The following RSU1 variants were observed in gnomAD, a reference collection of about 807,000 sequenced individuals.
The protein encoded by RSU1 is Ras suppressor protein 1, also known as rsu-1.
Under a neutral mutation model 31.1 loss-of-function variants are expected in RSU1, and 26 were observed. That is an observed-to-expected ratio of 0.84 (90% CI 0.61 to 1.16). The LOEUF (loss-of-function observed/expected upper bound fraction) is 1.16. RSU1 is among the 50% of genes most tolerant of loss of function. The pLI is 0.00. For synonymous variants in RSU1, 164 were observed against 136.3 expected (o/e 1.20, Z -1.41); for missense variants, 320 against 339.1 (o/e 0.94, Z 0.44).
intron 3 of RSU1, among the ~76,000 whole-genome samples, chr10:16,775,666 C>G (rs1362173644): frequency 6.6e-6 from 1 of 152,142 alleles, no homozygotes; most frequent in Non-Finnish European, 1.5e-5. Flanking sequence ...CTCAGGTGCT[C>G]ACTCACTACA....
At chr10:16,670,778 T>TTAA (rs1835091121) in intron 8 of RSU1, among the ~76,000 whole-genome samples, 1 of 152,108 alleles carries the variant, frequency 6.6e-6, no homozygotes, top group Non-Finnish European at 1.5e-5. Flanking sequence ...GAACCTCTTT[T>TTAA]TTTAAGCCTG....
At chr10:16,781,993 C>A in intron 3 of RSU1, 41 bp downstream of exon 3, 1 of 1,571,778 alleles carries the variant, frequency 6.4e-7, no homozygotes, top group South Asian at 1.1e-5. Flanking sequence ...ATAGGATTAC[C>A]TAAATGTCAG....
At chr10:16,802,042 T>C (rs1212940606) in intron 2 of RSU1, among the ~76,000 whole-genome samples, 2 of 150,580 alleles carry the variant, frequency 1.3e-5, no homozygotes, top group African/African-American at 2.4e-5. Flanking sequence ...TGAGAATGAA[T>C]TGAACTACAA....
At chr10:16,670,153 T>C (rs375093444) in intron 8 of RSU1, among the ~76,000 whole-genome samples, 6 of 152,314 alleles carry the variant, frequency 3.9e-5, no homozygotes, top group East Asian at 3.9e-4. Flanking sequence ...TTACTTCCCA[T>C]TGCTTATGCT....
At chr10:16,771,702 C>A (rs1165040640) in intron 3 of RSU1, among the ~76,000 whole-genome samples, 3 of 152,162 alleles carry the variant, frequency 2.0e-5, no homozygotes, top group Non-Finnish European at 2.9e-5. Context: ...CATATTACCA[C>A]AAGACTCTGA....
chr10:16,631,442 C>A (rs1247793427), intron 8 of RSU1, among the ~76,000 whole-genome samples: 1 of 152,102 alleles, frequency 6.6e-6, no homozygotes, highest in Non-Finnish European at 1.5e-5. Context: ...CCATGAGCCT[C>A]ACAAGGAGGG....
rs115565989 is a variant in RSU1 at position 16,670,097 on chromosome 10, C to A, written c.731+24926G>T. Among the ~76,000 whole-genome samples, 374 of 152,300 alleles carry A rather than the reference C, an allele frequency of 2.5e-3. 2 individuals carry two copies. The highest frequency in any genetic ancestry group is 8.6e-3 in the African/African-American group (358 of 41,552). Reference sequence around the variant, plus strand: ...AGTTTCTACTCAGGCCCATGTAGTGCAAATCAATTCAGTAAGTTGTTTTCT... The same window carrying A: ...AGTTTCTACTCAGGCCCATGTAGTGAAAATCAATTCAGTAAGTTGTTTTCT... On this transcript the variant is annotated intron_variant, in intron 8 of 8. Transcript: ENST00000345264.
intron 7 of RSU1, among the ~76,000 whole-genome samples, chr10:16,715,829 T>C (rs370857342): frequency 3.4e-4 from 52 of 152,316 alleles, no homozygotes; most frequent in African/African-American, 1.1e-3. Flanking sequence ...ATTTTCTATT[T>C]CTGCAAAAAA....
intron 8 of RSU1, among the ~76,000 whole-genome samples, chr10:16,646,549 C>A (rs1216355645): frequency 6.6e-6 from 1 of 152,182 alleles, no homozygotes; most frequent in Non-Finnish European, 1.5e-5. Context: ...ACACTTCCAT[C>A]GTAGCTCCCC....
rs528552486 is a variant in RSU1, at chr10:16,816,349, T to C, written c.109+624A>G. 2.0e-3 allele frequency among the ~76,000 whole-genome samples: 307 copies of C among 152,184 alleles called. 2 individuals are homozygous for C. The highest frequency in any genetic ancestry group is 7.2e-3 in the African/African-American group (299 of 41,522). On this transcript the variant is annotated intron_variant, in intron 2 of 8. Transcript: ENST00000345264. The stretch of plus-strand genomic sequence containing the variant: ...CACTTGGAGGCATGTGAATCTGCAA[T>C]CCCTGGTTTTAAGGGAGAGGGTAAC...
intron 8 of RSU1, among the ~76,000 whole-genome samples, chr10:16,610,640 T>G (rs1478697858): frequency 3.9e-5 from 6 of 152,132 alleles, no homozygotes; most frequent in African/African-American, 7.2e-5. Flanking sequence ...TGCAGGAAAA[T>G]AAGCTCAGGG....
chr10:16,779,457 T>C (rs1837606347), intron 3 of RSU1, among the ~76,000 whole-genome samples: 2 of 152,186 alleles, frequency 1.3e-5, no homozygotes, highest in Admixed American at 1.3e-4. Flanking sequence ...AATAACCCTG[T>C]AGATCTTAAG....
At chr10:16,789,559 GA>G in intron 2 of RSU1, among the ~76,000 whole-genome samples, 1 of 152,286 alleles carries the variant, frequency 6.6e-6, no homozygotes, top group African/African-American at 2.4e-5. Context: ...GTCTTGTATG[GA>G]AACTGAGCTG....
At chr10:16,613,748 C>T (rs1833931419) in intron 8 of RSU1, among the ~76,000 whole-genome samples, 1 of 150,932 alleles carries the variant, frequency 6.6e-6, no homozygotes. Flanking sequence ...TCCTGATATG[C>T]ATCAGAGAAA....
chr10:16,803,812 T>C lies in RSU1; in HGVS notation c.109+13161A>G, dbSNP rs527835189. Reference sequence around the variant, plus strand: ...AATCAATCTAGACAAAGACCTAACATCGTTCACAAAAATGAACTCCAAATG... The same window carrying C: ...AATCAATCTAGACAAAGACCTAACACCGTTCACAAAAATGAACTCCAAATG... On this transcript the variant is annotated intron_variant, in intron 2 of 8. Coordinates refer to ENST00000345264, the MANE Select transcript of RSU1 (RefSeq NM_012425.4). Among the ~76,000 whole-genome samples, 12 of 152,244 alleles carry C rather than the reference T, an allele frequency of 7.9e-5. No homozygotes were observed. In the South Asian group the frequency reaches 1.0e-3, roughly 13 times the overall value.
intron 8 of RSU1, among the ~76,000 whole-genome samples, chr10:16,607,330 G>A (rs962218475): frequency 2.6e-5 from 4 of 152,032 alleles, no homozygotes; most frequent in East Asian, 3.9e-4. Context: ...TATAAATTAC[G>A]CAGTCTCAGG....
intron 7 of RSU1, among the ~76,000 whole-genome samples, chr10:16,699,624 G>A (rs746464047): frequency 1.1e-4 from 17 of 152,198 alleles, no homozygotes; most frequent in Non-Finnish European, 2.1e-4. Context: ...GCTGAGCGGC[G>A]CTCTGGTGGT....
chr10:16,674,630 G>A (rs115541352), intron 8 of RSU1, among the ~76,000 whole-genome samples: 2,799 of 152,142 alleles, frequency 0.018, 90 homozygotes, highest in African/African-American at 0.064. Flanking sequence ...GGAGTGGGTG[G>A]TGGGCGATGG....
chr10:16,652,391 G>T (rs201295113), intron 8 of RSU1, among the ~76,000 whole-genome samples: 1 of 12,356 alleles, frequency 8.1e-5, no homozygotes, highest in African/African-American at 4.7e-4. Flanking sequence ...CTGCCCCAAA[G>T]CAAAAAAAAA....
Sources: allele counts gnomAD v4.1 joint callset (sites outside exome capture counted in the v4.1 genomes callset), GRCh38; gene constraint gnomAD v4.1.1; transcripts MANE v1.5; gene names NCBI Gene and HGNC (gene_info 2026-07-23, HGNC 2026-07-21).